Variants in MTAP observed in about 807,000 individuals in gnomAD.
MTAP encodes S-methyl-5'-thioadenosine phosphorylase.
A neutral mutation model predicts 33.6 loss-of-function variants in MTAP; 33 were observed. The ratio of observed to expected loss-of-function variants is 0.98; its 90% confidence interval spans 0.74 to 1.31. The LOEUF (loss-of-function observed/expected upper bound fraction) is 1.31. MTAP is among the 40% of genes most tolerant of loss of function. MTAP has a pLI of 0.00. For synonymous variants in MTAP, 148 were observed against 125.7 expected, an observed-to-expected ratio of 1.18 and a Z score of -1.19; for missense variants, 367 against 360.0, an observed-to-expected ratio of 1.02 and a Z score of -0.16.
intron 4 of MTAP, among the ~76,000 whole-genome samples, chr9:21,830,444 C>T (rs1824938290): frequency 6.6e-6 from 1 of 152,158 alleles, no homozygotes; most frequent in Non-Finnish European, 1.5e-5. Flanking sequence ...TGTACAAGGT[C>T]CCCATTGTTA....
At chr9:21,899,210 A>G (rs1818347021) in intron 1 of MTAP, among the ~76,000 whole-genome samples, 1 of 124,558 alleles carries the variant, frequency 8.0e-6, no homozygotes, top group African/African-American at 3.1e-5. Context: ...AGGAAGGGGA[A>G]CATCACACAC....
At chr9:21,833,145 A>G (rs1722254672) in intron 4 of MTAP, among the ~76,000 whole-genome samples, 1 of 152,140 alleles carries the variant, frequency 6.6e-6, no homozygotes, top group African/African-American at 2.4e-5. Flanking sequence ...TGATACCAGA[A>G]CAGTGGGAGG....
intron 1 of MTAP, among the ~76,000 whole-genome samples, chr9:21,813,589 TTTGTGTATTTGATCC>T (rs1482022629): frequency 6.6e-6 from 1 of 152,206 alleles, no homozygotes; most frequent in Admixed American, 6.5e-5. Context: ...CCCAACTCGA[TTTGTGTATTTGATCC>T]CGAGCATCCA....
At chr9:21,831,658 A>G (rs903341031) in intron 4 of MTAP, among the ~76,000 whole-genome samples, 1 of 152,212 alleles carries the variant, frequency 6.6e-6, no homozygotes, top group African/African-American at 2.4e-5. Context: ...TCAGATGAGT[A>G]GGACTTGCTC....
At chr9:21,858,659 CA>C (rs1053021973) in intron 6 of MTAP, among the ~76,000 whole-genome samples, 2 of 152,188 alleles carry the variant, frequency 1.3e-5, no homozygotes, top group Non-Finnish European at 2.9e-5. Flanking sequence ...AACCGCCTCC[CA>C]CCAGGCCCCA....
chr9:21,933,318 A>T (rs1289930500), downstream of MTAP: 3 of 152,218 alleles, frequency 2.0e-5, no homozygotes, highest in Non-Finnish European at 4.4e-5. Context: ...ATTTATATCT[A>T]CAAAGGAAGT....
At chr9:21,918,087 C>CA (rs56828322) in intron 1 of MTAP, among the ~76,000 whole-genome samples, 46,840 of 135,276 alleles carry the variant, frequency 0.35, 10,672 homozygotes, top group East Asian at 0.62. Flanking sequence ...CGCGGTGGCT[C>CA]CGCCTGTAAT....
chr9:21,817,430 G>A (rs934487072), intron 3 of MTAP, among the ~76,000 whole-genome samples: 78 of 151,932 alleles, frequency 5.1e-4, no homozygotes, highest in African/African-American at 1.7e-3. Flanking sequence ...CAAGGACTGA[G>A]TCCCCATCTG....
chr9:21,912,968 A>G (rs1357847324), intron 1 of MTAP, among the ~76,000 whole-genome samples: 3 of 152,194 alleles, frequency 2.0e-5, no homozygotes, highest in Admixed American at 2.0e-4. Context: ...CAAAAATCAC[A>G]AGCATTCTTA....
intron 1 of MTAP, among the ~76,000 whole-genome samples, chr9:21,808,606 ACACAC>A (rs1235427204): frequency 1.5e-5 from 2 of 136,774 alleles, no homozygotes; most frequent in Non-Finnish European, 3.1e-5. Context: ...AAAAAAAAAA[ACACAC>A]ACACACACAC....
At chr9:21,822,418 A>G (rs9722004) in intron 4 of MTAP, among the ~76,000 whole-genome samples, 9,548 of 152,116 alleles carry the variant, frequency 0.063, 322 homozygotes, top group Middle Eastern at 0.086. Context: ...AGGTTCTTCA[A>G]TTTCCATGTA....
At chr9:21,917,324 C>T (rs1011955338) in intron 1 of MTAP, among the ~76,000 whole-genome samples, 3 of 152,124 alleles carry the variant, frequency 2.0e-5, no homozygotes, top group Admixed American at 6.5e-5. Context: ...CATTTTCAGC[C>T]ATTAGATGGC....
intron 4 of MTAP, among the ~76,000 whole-genome samples, chr9:21,826,941 G>T (rs10811626): frequency 0.34 from 51,984 of 151,894 alleles, 9,758 homozygotes; most frequent in East Asian, 0.44. Flanking sequence ...TGAACTGCAC[G>T]TGGAAGGGAT....
intron 1 of MTAP, among the ~76,000 whole-genome samples, chr9:21,885,566 T>TCACC (rs1361398284): frequency 6.6e-6 from 1 of 152,050 alleles, no homozygotes; most frequent in Non-Finnish European, 1.5e-5. Flanking sequence ...CTTTTATCCC[T>TCACC]CACCCACCTC....
downstream of MTAP, among the ~76,000 whole-genome samples, chr9:21,868,005 A>C (rs1026296417): frequency 6.6e-6 from 1 of 152,214 alleles, no homozygotes; most frequent in Non-Finnish European, 1.5e-5. Flanking sequence ...GAAATCAAAA[A>C]TACATAGAGT....
intron 1 of MTAP, among the ~76,000 whole-genome samples, chr9:21,879,490 T>G (rs1817961894): frequency 6.6e-6 from 1 of 152,100 alleles, no homozygotes; most frequent in Non-Finnish European, 1.5e-5. Flanking sequence ...CCACTGAATC[T>G]TGTTTTTTTT....
At chr9:21,927,313 G>T (rs1363405297) in intron 1 of MTAP, among the ~76,000 whole-genome samples, 1 of 152,166 alleles carries the variant, frequency 6.6e-6, no homozygotes, top group Non-Finnish European at 1.5e-5. Context: ...ACCCAAGGAG[G>T]CCCTCAAAAT....
intron 4 of MTAP, among the ~76,000 whole-genome samples, chr9:21,831,305 C>G (rs1401217250): frequency 2.0e-5 from 3 of 152,130 alleles, no homozygotes; most frequent in Non-Finnish European, 4.4e-5. Context: ...ACAACTAGAT[C>G]TATAAACTAT....
At chr9:21,895,144 A>C (rs1818268432) in intron 1 of MTAP, among the ~76,000 whole-genome samples, 1 of 152,230 alleles carries the variant, frequency 6.6e-6, no homozygotes, top group African/African-American at 2.4e-5. Flanking sequence ...TCAAACTGCC[A>C]ATGACGTTTT....
Sources: allele counts gnomAD v4.1 joint callset (sites outside exome capture counted in the v4.1 genomes callset), GRCh38; gene constraint gnomAD v4.1.1; transcripts MANE v1.5; gene names NCBI Gene and HGNC (gene_info 2026-07-23, HGNC 2026-07-21).